Variants in DLG2 observed in about 807,000 individuals in gnomAD.
DLG2 encodes disks large homolog 2.
DLG2 carries 45 observed loss-of-function variants against 132.5 expected under a neutral mutation model. The ratio of observed to expected loss-of-function variants is 0.34; its 90% confidence interval spans 0.27 to 0.44. DLG2 has a LOEUF of 0.44. Ranked by LOEUF, DLG2 falls within the 20% of genes least tolerant of loss-of-function variation. DLG2 has a pLI of 1.00. For missense variants in DLG2, 1,045 were observed against 1,196.9 expected (o/e 0.87, Z 1.87); for synonymous variants, 424 against 419.6 (o/e 1.01, Z -0.13).
chr11:84,255,192 A>T (rs745559410), intron 7 of DLG2, among the ~76,000 whole-genome samples: 1 of 152,204 alleles, frequency 6.6e-6, no homozygotes, highest in Non-Finnish European at 1.5e-5. Context: ...TCACTTTTAC[A>T]GTCAAGAGAG....
At chr11:83,704,968 A>G (rs370580960) in intron 18 of DLG2, among the ~76,000 whole-genome samples, 2 of 152,232 alleles carry the variant, frequency 1.3e-5, no homozygotes, top group South Asian at 2.1e-4. Context: ...CCCAAATCTC[A>G]GCATAATGCA....
chr11:84,439,428 A>G (rs1021049188), intron 7 of DLG2, among the ~76,000 whole-genome samples: 4 of 152,166 alleles, frequency 2.6e-5, no homozygotes, highest in Admixed American at 2.6e-4. Context: ...GGGGTAGCCC[A>G]GCTTCTTCTA....
At chr11:84,107,797 G>C (rs908191753) in intron 9 of DLG2, among the ~76,000 whole-genome samples, 1 of 152,150 alleles carries the variant, frequency 6.6e-6, no homozygotes, top group East Asian at 1.9e-4. Context: ...ATATTTAGAA[G>C]TCAGGACATC....
intron 6 of DLG2, among the ~76,000 whole-genome samples, chr11:84,700,422 C>T (rs564603480): frequency 1.3e-4 from 19 of 151,576 alleles, no homozygotes; most frequent in South Asian, 1.0e-3. Context: ...ATTTTGAGAA[C>T]GCTTTCTACA....
chr11:85,568,886 A>G (rs2077686893), intron 3 of DLG2, among the ~76,000 whole-genome samples: 1 of 151,584 alleles, frequency 6.6e-6, no homozygotes, highest in African/African-American at 2.4e-5. Flanking sequence ...TCTCTGTTGT[A>G]TTTCTATTTC....
At chr11:85,014,700 C>T (rs2154136930) in intron 6 of DLG2, among the ~76,000 whole-genome samples, 1 of 152,266 alleles carries the variant, frequency 6.6e-6, no homozygotes, top group South Asian at 2.1e-4. Flanking sequence ...TTCAAAGCCC[C>T]ACCCGGACCT....
Position 83,466,900 on chromosome 11 carries a change from T to G in DLG2, c.2620-83A>C, listed in dbSNP as rs142536133. 10 of 921,018 alleles carry G rather than the reference T, an allele frequency of 1.1e-5. No homozygotes were observed. In the African/African-American group the frequency reaches 1.3e-4, roughly 12 times the overall value. 57.1% of individuals were successfully genotyped at this position (921,018 alleles called of 1,614,324 possible). On this transcript the variant is annotated intron_variant, in intron 25 of 27. Coordinates refer to ENST00000376104, the MANE Select transcript of DLG2 (RefSeq NM_001142699.3). ...CAAAAGGAAACTAATGTATGTAGGTTTTAGAGGAAGGTAGGGGATGCTGGA... is the reference window on the plus strand; with the variant it reads ...CAAAAGGAAACTAATGTATGTAGGTGTTAGAGGAAGGTAGGGGATGCTGGA...
At chr11:85,593,397 G>C (rs1219176787) in intron 3 of DLG2, among the ~76,000 whole-genome samples, 1 of 152,148 alleles carries the variant, frequency 6.6e-6, no homozygotes, top group African/African-American at 2.4e-5. Flanking sequence ...CCTACTTCCA[G>C]AGTTTCTTAT....
rs566092846 is a variant in DLG2, at chr11:84,624,135, C to T, written c.358-89404G>A. On this transcript the variant is annotated intron_variant, in intron 6 of 27. Coordinates refer to ENST00000376104, the MANE Select transcript of DLG2 (RefSeq NM_001142699.3). ...TTGAGTAAAGATAGGGGGAAGAAAT[C>T]GGGAGGTGACATCTAGGTTCTAAAA... Among the ~76,000 whole-genome samples the T allele has an allele frequency of 3.0e-4, 46 of 152,186 alleles. No individual in the cohort carries two copies. In the South Asian group the frequency reaches 4.6e-3, roughly 15 times the overall value.
At chr11:84,133,071 T>C (rs2094476026) in intron 9 of DLG2, among the ~76,000 whole-genome samples, 1 of 151,988 alleles carries the variant, frequency 6.6e-6, no homozygotes, top group Non-Finnish European at 1.5e-5. Flanking sequence ...TTGTAAAAAA[T>C]AAATGAAAGT....
chr11:85,296,207 T>C (rs889892823), intron 3 of DLG2, among the ~76,000 whole-genome samples: 1 of 152,132 alleles, frequency 6.6e-6, no homozygotes, highest in Non-Finnish European at 1.5e-5. Context: ...GTCAGGCACA[T>C]AAGTATAGAT....
chr11:85,599,281 C>T (rs1249682308), intron 2 of DLG2, among the ~76,000 whole-genome samples: 8 of 152,068 alleles, frequency 5.3e-5, no homozygotes, highest in African/African-American at 1.9e-4. Context: ...CGCATGCATG[C>T]GCAGACACCC....
At chr11:85,201,406 C>T (rs2081447687) in intron 4 of DLG2, among the ~76,000 whole-genome samples, 1 of 152,170 alleles carries the variant, frequency 6.6e-6, no homozygotes, top group Non-Finnish European at 1.5e-5. Flanking sequence ...ACCACCAAGA[C>T]AGTCTTCTAT....
intron 3 of DLG2, among the ~76,000 whole-genome samples, chr11:85,566,164 C>A (rs1235699739): frequency 6.6e-6 from 1 of 151,996 alleles, no homozygotes; most frequent in Non-Finnish European, 1.5e-5. Flanking sequence ...GGAAAAATGT[C>A]TTTTCAAAAA....
At chr11:83,518,693 A>G (rs535688920) in intron 21 of DLG2, among the ~76,000 whole-genome samples, 1 of 152,290 alleles carries the variant, frequency 6.6e-6, no homozygotes, top group East Asian at 1.9e-4. Flanking sequence ...TGTCTGAATT[A>G]TATATCCCAA....
At chr11:84,553,742 C>T (rs1184096938) in intron 6 of DLG2, among the ~76,000 whole-genome samples, 3 of 152,098 alleles carry the variant, frequency 2.0e-5, no homozygotes, top group South Asian at 2.1e-4. Flanking sequence ...CAGTCTTAAA[C>T]GGTTGTGTTA....
At chr11:84,525,778 TG>T (rs1224183780) in intron 7 of DLG2, among the ~76,000 whole-genome samples, 2 of 152,232 alleles carry the variant, frequency 1.3e-5, no homozygotes, top group African/African-American at 4.8e-5. Flanking sequence ...TCTTGCTTTA[TG>T]GGATGTTTGG....
intron 4 of DLG2, among the ~76,000 whole-genome samples, chr11:85,273,510 A>G (rs2077680328): frequency 6.6e-6 from 1 of 152,242 alleles, no homozygotes; most frequent in South Asian, 2.1e-4. Flanking sequence ...AAAAATGCTC[A>G]TCATCACTGG....
chr11:85,141,671 T>C (rs1204930681), intron 5 of DLG2, among the ~76,000 whole-genome samples: 1 of 151,818 alleles, frequency 6.6e-6, no homozygotes, highest in Non-Finnish European at 1.5e-5. Context: ...TTTCTTTCAG[T>C]AGTTTCATAG....
Sources: gnomAD v4.1 joint callset for allele counts (sites outside exome capture counted in the v4.1 genomes callset) on GRCh38, gnomAD v4.1.1 for gene constraint, MANE v1.5 for transcripts, NCBI Gene and HGNC (gene_info 2026-07-23, HGNC 2026-07-21) for gene names.